PARVB: variants seen among roughly 807,000 people sequenced by gnomAD.
PARVB encodes parvin beta, also known as beta-parvin.
A neutral mutation model predicts 47.0 loss-of-function variants in PARVB; 46 were observed. The observed-to-expected ratio is 0.98, with a 90% confidence interval of 0.77 to 1.25. The LOEUF (loss-of-function observed/expected upper bound fraction) is 1.25. Among genes scored for constraint, PARVB ranks in the 50% most tolerant of loss-of-function variants. The pLI is 0.00. For missense variants in PARVB, 473 were observed against 471.6 expected (o/e 1.00, Z -0.03); for synonymous variants, 196 against 196.3 (o/e 1.00, Z 0.01).
intron 2 of PARVB, chr22:43,999,713 G>T (rs375299397): frequency 2.5e-5 from 37 of 1,468,210 alleles, no homozygotes; most frequent in South Asian, 9.1e-5. Flanking sequence ...GTGGATGAGG[G>T]CTGGGTGCAG....
chr22:44,083,756 C>T (rs566964916), intron 1 of PARVB, among the ~76,000 whole-genome samples: 2 of 152,086 alleles, frequency 1.3e-5, no homozygotes, highest in South Asian at 2.1e-4. Context: ...TAACAGTCAT[C>T]GGGTACCACT....
At chr22:44,072,598 G>A (rs542330789) in intron 1 of PARVB, among the ~76,000 whole-genome samples, 4 of 152,176 alleles carry the variant, frequency 2.6e-5, no homozygotes, top group African/African-American at 9.6e-5. Context: ...ATGCCATCAT[G>A]CCTAGCTAAT....
At chr22:44,151,678 G>GC (rs1407495895) in intron 10 of PARVB, 127 bp downstream of exon 10, 8 of 730,876 alleles carry the variant, frequency 1.1e-5, no homozygotes, top group Non-Finnish European at 2.0e-5. Context: ...CTCCCGTGGT[G>GC]CAGGCAGAAA....
intron 3 of PARVB, among the ~76,000 whole-genome samples, chr22:44,102,047 A>G (rs1445679555): frequency 2.6e-5 from 4 of 152,180 alleles, no homozygotes; most frequent in Non-Finnish European, 4.4e-5. Flanking sequence ...TCACTTGACT[A>G]CGGAGGCTGA....
intron 1 of PARVB, among the ~76,000 whole-genome samples, chr22:44,061,544 T>C (rs2051420045): frequency 6.6e-6 from 1 of 152,170 alleles, no homozygotes; most frequent in South Asian, 2.1e-4. Context: ...TGGACACTTG[T>C]TTATGATGTG....
At chr22:44,158,161 C>A in intron 11 of PARVB, 78 bp downstream of exon 11, 2 of 950,842 alleles carry the variant, frequency 2.1e-6, no homozygotes, top group Non-Finnish European at 3.3e-6. Context: ...ATCCCGGCAG[C>A]TCTTCCTGCA....
intron 1 of PARVB, among the ~76,000 whole-genome samples, chr22:44,056,443 TTACTC>T (rs1210605636): frequency 6.6e-6 from 1 of 152,296 alleles, no homozygotes; most frequent in East Asian, 1.9e-4. Context: ...ATCGGACAAA[TTACTC>T]TACCTCTCTG....
chr22:44,092,841 G>A (rs1330058352), intron 1 of PARVB, among the ~76,000 whole-genome samples: 1 of 152,220 alleles, frequency 6.6e-6, no homozygotes, highest in African/African-American at 2.4e-5. Context: ...ATCATCTGCC[G>A]CTGTGGAGGC....
At chr22:44,168,020 C>T (rs1435083210) in intron 12 of PARVB, 2 of 156,432 alleles carry the variant, frequency 1.3e-5, no homozygotes, top group African/African-American at 4.8e-5. Flanking sequence ...AGGGTCATCC[C>T]ATGGCTGCTT....
chr22:44,029,899 G>A (rs1436061595), intron 1 of PARVB, among the ~76,000 whole-genome samples: 1 of 143,310 alleles, frequency 7.0e-6, no homozygotes, highest in East Asian at 2.0e-4. Flanking sequence ...GACAAAGCGA[G>A]ACTCTGCCTC....
At chr22:44,010,362 CATA>C (rs1463121055) in intron 2 of PARVB, 1 of 152,234 alleles carries the variant, frequency 6.6e-6, no homozygotes, top group Non-Finnish European at 1.5e-5. Flanking sequence ...CAGGGTGTCT[CATA>C]ATGTTCCCTG....
At chr22:44,084,309 C>T (rs533110585) in intron 1 of PARVB, among the ~76,000 whole-genome samples, 15 of 152,320 alleles carry the variant, frequency 9.8e-5, no homozygotes, top group African/African-American at 3.1e-4. Context: ...CTACAAGGCC[C>T]GAGCATGGTG....
At chr22:44,129,700 A>G (rs1184565754) in intron 4 of PARVB, among the ~76,000 whole-genome samples, 1 of 152,248 alleles carries the variant, frequency 6.6e-6, no homozygotes, top group Admixed American at 6.5e-5. Context: ...TTAGATCCAG[A>G]TGGAGGGAAA....
Position 44,168,836 on chromosome 22 carries a change from C to G in PARVB, c.*158C>G. 1.7e-6 allele frequency: 1 copy of G among 595,022 alleles called. No individual in the cohort carries two copies. The allele number at this position is 595,022 out of a possible 1,614,324, so 36.9% of individuals were successfully genotyped here. A position where few individuals can be genotyped will look rare whatever the true frequency, so the allele number is the denominator to read the frequency against. On this transcript the variant is annotated 3_prime_UTR_variant, in exon 13 of 13. Coordinates refer to ENST00000338758, the MANE Select transcript of PARVB (RefSeq NM_013327.5). ...CCCCTACCTCACGCCTGCCCCACCCCCTGCCTCTTTTGGTTGTTGTTCTTA... is the reference window on the plus strand; with the variant it reads ...CCCCTACCTCACGCCTGCCCCACCCGCTGCCTCTTTTGGTTGTTGTTCTTA...
chr22:44,071,122 G>C (rs568777197), intron 1 of PARVB, among the ~76,000 whole-genome samples: 17 of 152,272 alleles, frequency 1.1e-4, no homozygotes, highest in African/African-American at 3.4e-4. Flanking sequence ...AACAGATACT[G>C]AGCGCTCTGT....
intron 4 of PARVB, among the ~76,000 whole-genome samples, chr22:44,120,615 G>A (rs2053022812): frequency 6.6e-6 from 1 of 152,280 alleles, no homozygotes; most frequent in Admixed American, 6.5e-5. Flanking sequence ...GGTTAAGGCA[G>A]TGGCCTATGG....
At chr22:44,138,211 A>C (rs1355518226) in intron 7 of PARVB, among the ~76,000 whole-genome samples, 1 of 152,214 alleles carries the variant, frequency 6.6e-6, no homozygotes, top group Non-Finnish European at 1.5e-5. Flanking sequence ...CCTGCTGATG[A>C]GAAAGGATGC....
chr22:44,055,798 T>A (rs2051299592), intron 1 of PARVB, among the ~76,000 whole-genome samples: 1 of 152,164 alleles, frequency 6.6e-6, no homozygotes. Flanking sequence ...TCAGCCCAAG[T>A]GCGGGAGGAG....
Position 44,016,995 on chromosome 22 carries a change from C to T in PARVB, c.211+17322C>T, listed in dbSNP as rs190072880. ...GGTTCAAGTGATTCTTCTGCCTCAG[C>T]CTCCCGAGTAGCTGGGATTACAGGT... On this transcript the variant is annotated intron_variant, in intron 2 of 13. Transcript: ENST00000406477. Among the ~76,000 whole-genome samples, 810 of 152,254 alleles carry T rather than the reference C, an allele frequency of 5.3e-3. 9 individuals carry two copies. The highest frequency in any genetic ancestry group is 0.019 in the African/African-American group (779 of 41,526).
Sources: allele counts gnomAD v4.1 joint callset (sites outside exome capture counted in the v4.1 genomes callset), GRCh38; gene constraint gnomAD v4.1.1; transcripts MANE v1.5; gene names NCBI Gene and HGNC (gene_info 2026-07-23, HGNC 2026-07-21).